The following EBF1 variants were observed in gnomAD, a reference collection of about 807,000 sequenced individuals.
EBF1 encodes the protein EBF transcription factor 1, also known as transcription factor COE1.
A neutral mutation model predicts 68.4 loss-of-function variants in EBF1; 10 were observed. The ratio of observed to expected loss-of-function variants is 0.15; its 90% CI spans 0.09 to 0.25. The LOEUF is 0.25. EBF1 is among the 10% of genes least tolerant of loss of function. The probability of loss-of-function intolerance (pLI) is 1.00; values close to 1 mark genes in which losing one functional copy is unlikely to be tolerated. For synonymous variants in EBF1, 298 were observed against 299.8 expected (o/e 0.99, Z 0.06); for missense variants, 509 against 794.4 (o/e 0.64, Z 4.32).
chr5:159,073,612 A>G, intron 5 of EBF1, 148 bp from the exon 6 acceptor site: 1 of 802,428 alleles, frequency 1.2e-6, no homozygotes, highest in Non-Finnish European at 2.0e-6. Context: ...GGGACAGATA[A>G]TTCTATTTGG....
chr5:158,889,635 G>C (rs1011378792), intron 6 of EBF1, among the ~76,000 whole-genome samples: 1 of 152,142 alleles, frequency 6.6e-6, no homozygotes, highest in Non-Finnish European at 1.5e-5. Flanking sequence ...CTAGAATCTA[G>C]AGCAGAAAAG....
intron 6 of EBF1, among the ~76,000 whole-genome samples, chr5:158,905,411 C>G (rs1233072004): frequency 1.3e-5 from 2 of 152,142 alleles, no homozygotes; most frequent in Non-Finnish European, 2.9e-5. Context: ...ATTAAAGAGG[C>G]AGTTTGTTCT....
At chr5:158,871,539 G>A (rs1183159115) in intron 6 of EBF1, among the ~76,000 whole-genome samples, 1 of 152,192 alleles carries the variant, frequency 6.6e-6, no homozygotes, top group Non-Finnish European at 1.5e-5. Flanking sequence ...TAGGGAGGCA[G>A]AAATAAGAAA....
chr5:158,800,225 A>C (rs1780338125), intron 8 of EBF1, among the ~76,000 whole-genome samples: 2 of 152,186 alleles, frequency 1.3e-5, no homozygotes, highest in South Asian at 4.1e-4. Context: ...TGAAAAAAAC[A>C]ATTTGCAAAC....
In EBF1 at chr5:158,824,593, G is replaced by A. The variant is rs185374298; in HGVS notation, c.637-1276C>T. Among the ~76,000 whole-genome samples the A allele has an allele frequency of 2.5e-3, 381 of 152,346 alleles. 4 individuals carry two copies. Among genetic ancestry groups the A allele is most frequent in the African/African-American group, 8.8e-3 (365 of 41,582 alleles). On this transcript the variant is annotated intron_variant, in intron 7 of 15. Transcript: ENST00000313708. Reference sequence around the variant, plus strand: ...TTGAGAGGCATTAGCCTCTGAAGAGGTGAACCGCTTTACAAGGGTTGGCAC... The same window carrying A: ...TTGAGAGGCATTAGCCTCTGAAGAGATGAACCGCTTTACAAGGGTTGGCAC...
intron 7 of EBF1, among the ~76,000 whole-genome samples, chr5:158,832,114 T>C (rs555045890): frequency 6.6e-6 from 1 of 152,362 alleles, no homozygotes; most frequent in South Asian, 2.1e-4. Context: ...ACTATAGGCA[T>C]CTTCAGAGCC....
At chr5:158,880,340 G>A (rs536755023) in intron 6 of EBF1, among the ~76,000 whole-genome samples, 4 of 152,324 alleles carry the variant, frequency 2.6e-5, no homozygotes, top group South Asian at 4.1e-4. Flanking sequence ...AAGATACCAT[G>A]AGAGAGCTCA....
chr5:159,096,089 G>A (rs932590382), intron 3 of EBF1, among the ~76,000 whole-genome samples: 2 of 152,266 alleles, frequency 1.3e-5, no homozygotes, highest in South Asian at 2.1e-4. Flanking sequence ...AGGGGAGGAA[G>A]AATGAAAGTG....
At chr5:158,710,632 A>C (rs1458142373) in intron 14 of EBF1, among the ~76,000 whole-genome samples, 4 of 152,204 alleles carry the variant, frequency 2.6e-5, no homozygotes, top group African/African-American at 9.6e-5. Context: ...TGAAATGTGT[A>C]ATTTTGTGGA....
chr5:158,724,454 T>C (rs1762579928), intron 11 of EBF1, among the ~76,000 whole-genome samples: 2 of 152,350 alleles, frequency 1.3e-5, no homozygotes, highest in Middle Eastern at 3.4e-3. Context: ...AACGTGGTTA[T>C]GCAAAGATAT....
At chr5:158,974,209 C>A (rs1756243265) in intron 6 of EBF1, among the ~76,000 whole-genome samples, 1 of 152,242 alleles carries the variant, frequency 6.6e-6, no homozygotes, top group Non-Finnish European at 1.5e-5. Context: ...GATTGGATGG[C>A]AACCTGTGGT....
intron 6 of EBF1, among the ~76,000 whole-genome samples, chr5:158,902,226 G>C (rs1024368708): frequency 1.3e-5 from 2 of 152,138 alleles, no homozygotes; most frequent in African/African-American, 2.4e-5. Context: ...GAAATTCTTA[G>C]GAAGCTAATA....
In EBF1 at chr5:158,842,636, A is replaced by C. The variant is rs149530868; in HGVS notation, c.555-2526T>G. ...CAATAACAGGCCTTACTGTATAGGG[A>C]AACTGTGAAAATTGCGATAAGGCAG... On this transcript the variant is annotated intron_variant, in intron 6 of 15. Transcript: ENST00000313708. Among the ~76,000 whole-genome samples the C allele has an allele frequency of 9.2e-5, 14 of 152,314 alleles. No homozygotes were observed. In the East Asian group the frequency reaches 2.5e-3, roughly 27 times the overall value.
At chr5:158,978,225 C>A (rs1453575621) in intron 6 of EBF1, among the ~76,000 whole-genome samples, 2 of 152,258 alleles carry the variant, frequency 1.3e-5, no homozygotes, top group African/African-American at 2.4e-5. Context: ...CCGGTGCGCC[C>A]TGACCCCCGA....
intron 10 of EBF1, among the ~76,000 whole-genome samples, chr5:158,770,812 A>G (rs1325289856): frequency 6.6e-6 from 1 of 152,152 alleles, no homozygotes; most frequent in African/African-American, 2.4e-5. Flanking sequence ...CTGACTGGTC[A>G]GGGCTCTTTT....
chr5:158,998,983 A>T (rs370130471), intron 6 of EBF1, among the ~76,000 whole-genome samples: 1 of 152,152 alleles, frequency 6.6e-6, no homozygotes, highest in Non-Finnish European at 1.5e-5. Flanking sequence ...TTTCTCTGTC[A>T]TGGAAGCTTC....
intron 10 of EBF1, among the ~76,000 whole-genome samples, chr5:158,758,889 AT>A (rs1770747101): frequency 2.6e-5 from 4 of 152,270 alleles, no homozygotes; most frequent in Admixed American, 1.3e-4. Context: ...GGCTGAGATA[AT>A]ATGTTGTCAC....
chr5:159,096,207 T>G (rs1782579522), intron 3 of EBF1, 136 bp downstream of exon 3: 2 of 959,272 alleles, frequency 2.1e-6, no homozygotes, highest in African/African-American at 3.3e-5. Flanking sequence ...GGGCGAAATT[T>G]AGGAGAGGCT....
intron 6 of EBF1, among the ~76,000 whole-genome samples, chr5:158,878,810 A>T (rs1229641618): frequency 6.6e-6 from 1 of 151,798 alleles, no homozygotes; most frequent in Non-Finnish European, 1.5e-5. Flanking sequence ...TGCTCAGCTA[A>T]TTTTTTTATT....
Sources: gnomAD v4.1 joint callset for allele counts (sites outside exome capture counted in the v4.1 genomes callset) on GRCh38, gnomAD v4.1.1 for gene constraint, MANE v1.5 for transcripts, NCBI Gene and HGNC (gene_info 2026-07-23, HGNC 2026-07-21) for gene names.